Variants in CEP72 observed in about 807,000 individuals in gnomAD.
The protein encoded by CEP72 is centrosomal protein of 72 kDa.
CEP72 carries 78 observed loss-of-function variants against 65.7 expected under a neutral mutation model. The observed-to-expected ratio is 1.19, with a 90% CI of 0.99 to 1.43. The LOEUF is 1.43. Among genes scored for constraint, CEP72 ranks in the 40% most tolerant of loss-of-function variants. The pLI, the probability that CEP72 is intolerant of heterozygous loss-of-function variation, is 0.00. For missense variants in CEP72, 914 were observed against 832.9 expected, an observed-to-expected ratio of 1.10 and a Z score of -1.20; for synonymous variants, 358 against 351.7, an observed-to-expected ratio of 1.02 and a Z score of -0.20.
At chr5:668,666 C>G (rs980568824), downstream of CEP72, among the ~76,000 whole-genome samples, 1 of 152,220 alleles carries the variant, frequency 6.6e-6, no homozygotes, top group African/African-American at 2.4e-5. Flanking sequence ...CAAAGGTGGC[C>G]CAGCAGTCCC....
chr5:637,464 A>G, intron 6 of CEP72, 53 bp from the exon 7 acceptor site: 1 of 1,529,286 alleles, frequency 6.5e-7, no homozygotes, highest in East Asian at 2.3e-5. Context: ...AGTGCTGAAC[A>G]CTGCACCCAG....
At chr5:617,414 G>C (rs1736064128) in intron 1 of CEP72, among the ~76,000 whole-genome samples, 1 of 152,204 alleles carries the variant, frequency 6.6e-6, no homozygotes, top group Non-Finnish European at 1.5e-5. Flanking sequence ...GGTGGCTCAT[G>C]CCTGTAGTCT....
At chr5:643,057 A>G (rs981416723) in intron 9 of CEP72, 1 of 984,502 alleles carries the variant, frequency 1.0e-6, no homozygotes, top group Non-Finnish European at 1.2e-6. Context: ...CTAGACTCCA[A>G]AAAATAAAAA....
At chr5:622,785 C>A (rs561775795) in intron 3 of CEP72, among the ~76,000 whole-genome samples, 1 of 152,302 alleles carries the variant, frequency 6.6e-6, no homozygotes, top group East Asian at 1.9e-4. Flanking sequence ...TGTTTCCAAA[C>A]CCAATTAGGA....
At chr5:664,986 C>G in intron 2 of CEP72, 1 of 1,315,296 alleles carries the variant, frequency 7.6e-7, no homozygotes, top group Non-Finnish European at 1.0e-6. Flanking sequence ...CCCCCAGCCC[C>G]CTCTGGGGCA....
intron 3 of CEP72, among the ~76,000 whole-genome samples, chr5:622,054 G>A (rs1183365938): frequency 2.6e-5 from 4 of 152,226 alleles, no homozygotes; most frequent in Admixed American, 6.5e-5. Context: ...GAATACAGGC[G>A]TGGGCCACTG....
chr5:637,881 G>A (rs1413754154), intron 7 of CEP72, 63 bp downstream of exon 7: 24 of 1,410,706 alleles, frequency 1.7e-5, no homozygotes, highest in Admixed American at 5.4e-5. Flanking sequence ...GGGCTGTTAC[G>A]GCTTTGGCGG....
downstream of CEP72, chr5:660,790 G>A (rs952752036): frequency 2.6e-5 from 4 of 152,360 alleles, no homozygotes; most frequent in African/African-American, 9.7e-5. Context: ...GCCCAGGATG[G>A]GGGCTGGGGT....
chr5:615,083 AT>A (rs1735906314), intron 1 of CEP72, among the ~76,000 whole-genome samples: 1 of 139,706 alleles, frequency 7.2e-6, no homozygotes, highest in Non-Finnish European at 1.5e-5. Flanking sequence ...CATAGCTAGG[AT>A]TTTTATACCT....
In CEP72 at chr5:624,395, C is replaced by T. The variant is rs1314345696; in HGVS notation, c.404-76C>T. Reference sequence around the variant, plus strand: ...CCCCGAGGGGATGGACACCCTGCCCCGTGTAGATGCCCCAGGGTGGATGCA... The same window carrying T: ...CCCCGAGGGGATGGACACCCTGCCCTGTGTAGATGCCCCAGGGTGGATGCA... On this transcript the variant is annotated intron_variant, in intron 3 of 11. Transcript: ENST00000264935. The surrounding 1 kb of genome is among the most constrained non-coding windows in gnomAD (Gnocchi z 4.7). 1.4e-5 allele frequency: 14 copies of T among 999,044 alleles called. No homozygotes were observed. The highest frequency in any genetic ancestry group is 7.1e-5 in the Admixed American group (4 of 56,320). The allele number at this position is 999,044 out of a possible 1,614,324, so 61.9% of individuals were successfully genotyped here. A position where few individuals can be genotyped will look rare whatever the true frequency, so the allele number is the denominator to read the frequency against.
At chr5:664,877 A>T (rs1253368904) in intron 2 of CEP72, 1 of 575,552 alleles carries the variant, frequency 1.7e-6, no homozygotes. Context: ...CAGGTGTATT[A>T]GGAGGGTCAG....
chr5:674,946 AG>A, the CEP72 span, among the ~76,000 whole-genome samples: 10 of 145,764 alleles, frequency 6.9e-5, 1 homozygote, highest in Admixed American at 3.5e-4. Context: ...CACAGTCCTG[AG>A]GGAGGTGCAG....
chr5:666,948 C>G (rs1739941289), exon 5 of CEP72: 1 of 152,192 alleles, frequency 6.6e-6, no homozygotes, highest in African/African-American at 2.4e-5. Flanking sequence ...GCAAAAGGCA[C>G]CTGCATTTCA....
At chr5:637,391 TAA>T (rs1737681403) in intron 6 of CEP72, 124 bp from the exon 7 acceptor site, 2 of 775,580 alleles carry the variant, frequency 2.6e-6, no homozygotes, top group East Asian at 2.5e-5. Flanking sequence ...TGTACATATG[TAA>T]GTGTGCGTGT....
downstream of CEP72, among the ~76,000 whole-genome samples, chr5:668,420 G>A (rs1176765247): frequency 8.0e-6 from 1 of 125,776 alleles, no homozygotes; most frequent in Admixed American, 7.7e-5. Flanking sequence ...ACAGAGAGGG[G>A]GCCGCGTGGG....
At chr5:654,166 C>T (rs558387685), downstream of CEP72, among the ~76,000 whole-genome samples, 6 of 134,324 alleles carry the variant, frequency 4.5e-5, no homozygotes, top group Admixed American at 4.7e-4. Context: ...GTGCTCTGTG[C>T]GCGTGCACTT....
At chr5:672,138 G>A (rs1351308407), downstream of CEP72, among the ~76,000 whole-genome samples, 2 of 152,298 alleles carry the variant, frequency 1.3e-5, no homozygotes, top group East Asian at 1.9e-4. Flanking sequence ...GGAACAGTCC[G>A]AAGACTTTAG....
chr5:639,725 C>T (rs187277861), intron 8 of CEP72, among the ~76,000 whole-genome samples: 101 of 152,352 alleles, frequency 6.6e-4, no homozygotes, highest in African/African-American at 2.4e-3. Flanking sequence ...GGGCCTCCCT[C>T]ATCCAGGATC....
intron 1 of CEP72, 98 bp downstream of exon 1, chr5:612,541 G>C: frequency 7.9e-7 from 1 of 1,261,596 alleles, no homozygotes. Context: ...GGCGGGACCC[G>C]TCTACGCAGG....
Sources: allele counts gnomAD v4.1 joint callset (sites outside exome capture counted in the v4.1 genomes callset), GRCh38; gene constraint gnomAD v4.1.1; non-coding constraint Gnocchi (gnomAD v3.1); transcripts MANE v1.5; gene names NCBI Gene and HGNC (gene_info 2026-07-23, HGNC 2026-07-21).